The following POC1B variants were observed in gnomAD, a reference collection of about 807,000 sequenced individuals.
POC1B encodes POC1 centriolar protein homolog B.
In POC1B, 44 loss-of-function variants were observed where a neutral mutation model predicts 60.6. The ratio of observed to expected loss-of-function variants is 0.73; its 90% CI spans 0.57 to 0.93. POC1B has a LOEUF of 0.93. Among genes scored for constraint, POC1B ranks in the 40% least tolerant of loss-of-function variants. The pLI is 0.00. For missense variants in POC1B, 555 were observed against 572.3 expected (o/e 0.97, Z 0.31); for synonymous variants, 180 against 198.9 (o/e 0.90, Z 0.80).
At chr12:89,483,807 TG>T (rs774100521) in intron 4 of POC1B, among the ~76,000 whole-genome samples, 78 of 152,006 alleles carry the variant, frequency 5.1e-4, no homozygotes, top group Non-Finnish European at 9.0e-4. Context: ...CTACAAGAAA[TG>T]GTAAGTGCAG....
At chr12:89,497,972 G>C (rs1391579043) in intron 2 of POC1B, among the ~76,000 whole-genome samples, 4 of 151,962 alleles carry the variant, frequency 2.6e-5, no homozygotes, top group Non-Finnish European at 5.9e-5. Flanking sequence ...AACCATTTAG[G>C]AGTAAGTTAT....
At chr12:89,507,886 C>T (rs1869980129) in intron 2 of POC1B, among the ~76,000 whole-genome samples, 1 of 152,230 alleles carries the variant, frequency 6.6e-6, no homozygotes, top group Admixed American at 6.5e-5. Context: ...CTGTCTGGAA[C>T]ACTATTTTCT....
At chr12:89,486,206 C>A (rs1388609806) in intron 4 of POC1B, among the ~76,000 whole-genome samples, 1 of 152,104 alleles carries the variant, frequency 6.6e-6, no homozygotes, top group Admixed American at 6.5e-5. Flanking sequence ...CAGTGCCTGG[C>A]AAGAGAATAC....
chr12:89,415,650 A>T (rs1261836351), downstream of POC1B, among the ~76,000 whole-genome samples: 1 of 152,116 alleles, frequency 6.6e-6, no homozygotes, highest in Non-Finnish European at 1.5e-5. Context: ...CTCAAAAAAA[A>T]AAAAAATAAT....
rs76238808 is a variant in POC1B, at chr12:89,515,196, A to C, written c.100+9924T>G. On this transcript the variant is annotated intron_variant, in intron 2 of 11. Coordinates refer to ENST00000313546, the MANE Select transcript of POC1B (RefSeq NM_172240.3). ...CCAGCAACATGTAAGGCATTGTGGC[A>C]AAAAGGGGGAGTCCTAAGTAACAAA... 6.8e-3 allele frequency among the ~76,000 whole-genome samples: 1,030 copies of C among 152,320 alleles called. 11 individuals carry two copies. The highest frequency in any genetic ancestry group is 0.024 in the African/African-American group (993 of 41,578).
intron 4 of POC1B, among the ~76,000 whole-genome samples, chr12:89,480,669 G>T (rs1487057923): frequency 1.4e-5 from 2 of 145,350 alleles, no homozygotes; most frequent in African/African-American, 5.1e-5. Context: ...GCAAGATCTC[G>T]GCTCACTGCA....
At chr12:89,478,862 C>T (rs547860128) in intron 4 of POC1B, among the ~76,000 whole-genome samples, 2 of 152,244 alleles carry the variant, frequency 1.3e-5, no homozygotes, top group South Asian at 2.1e-4. Flanking sequence ...GCAACAGACT[C>T]GGAAAAGTTC....
chr12:89,464,749 G>A (rs1199770003), intron 9 of POC1B, among the ~76,000 whole-genome samples: 1 of 148,584 alleles, frequency 6.7e-6, no homozygotes, highest in Non-Finnish European at 1.5e-5. Context: ...GCCTTCCAAA[G>A]TGCTGGGATT....
At chr12:89,453,558 A>C (rs1304054973) in intron 10 of POC1B, among the ~76,000 whole-genome samples, 1 of 152,208 alleles carries the variant, frequency 6.6e-6, no homozygotes, top group Non-Finnish European at 1.5e-5. Flanking sequence ...AAATACACCT[A>C]GTTTCAGAAG....
intron 9 of POC1B, among the ~76,000 whole-genome samples, chr12:89,464,977 G>A (rs34192142): frequency 0.022 from 3,289 of 152,130 alleles, 48 homozygotes; most frequent in Non-Finnish European, 0.033. Context: ...TGTGTACACA[G>A]AGGCTGACTA....
chr12:89,501,067 A>T (rs1300178722), intron 2 of POC1B: 7 of 1,115,674 alleles, frequency 6.3e-6, no homozygotes, highest in Non-Finnish European at 9.5e-6. Context: ...TACTATACCA[A>T]GAAAGGCGGG....
intron 2 of POC1B, chr12:89,502,730 T>A: frequency 7.4e-7 from 1 of 1,355,726 alleles, no homozygotes; most frequent in South Asian, 1.3e-5. Flanking sequence ...GAAATTGATA[T>A]TAAGACCACA....
chr12:89,444,418 G>A (rs1313156633), intron 10 of POC1B, among the ~76,000 whole-genome samples: 1 of 152,170 alleles, frequency 6.6e-6, no homozygotes, highest in Non-Finnish European at 1.5e-5. Flanking sequence ...CGATCAAGTT[G>A]GCTTCATCCC....
intron 2 of POC1B, chr12:89,524,291 C>T (rs1204230169): frequency 1.9e-6 from 3 of 1,613,902 alleles, no homozygotes; most frequent in Non-Finnish European, 1.7e-6. Context: ...AGTTCATCCT[C>T]GTTGAGCTGG....
At chr12:89,521,964 T>C in intron 2 of POC1B, 1 of 398,976 alleles carries the variant, frequency 2.5e-6, no homozygotes, top group Non-Finnish European at 4.4e-6. Flanking sequence ...CTTTAAATGA[T>C]TAAGCATTAA....
the POC1B span, among the ~76,000 whole-genome samples, chr12:89,413,742 T>G: frequency 1.3e-5 from 2 of 152,180 alleles, no homozygotes; most frequent in Non-Finnish European, 2.9e-5. Flanking sequence ...AGTGAATTTT[T>G]TTTTACTTCC....
At chr12:89,506,448 G>A (rs1869900538) in intron 2 of POC1B, among the ~76,000 whole-genome samples, 1 of 152,174 alleles carries the variant, frequency 6.6e-6, no homozygotes, top group African/African-American at 2.4e-5. Flanking sequence ...GGATCACTGA[G>A]GAAATCAGTA....
intron 10 of POC1B, among the ~76,000 whole-genome samples, chr12:89,442,040 C>T (rs527261405): frequency 8.6e-5 from 13 of 151,760 alleles, no homozygotes; most frequent in South Asian, 2.1e-4. Context: ...TGAAATGAAG[C>T]GAGAAGTTTA....
At chr12:89,423,076 C>G (rs1199553844) in intron 11 of POC1B, among the ~76,000 whole-genome samples, 1 of 152,108 alleles carries the variant, frequency 6.6e-6, no homozygotes, top group African/African-American at 2.4e-5. Context: ...TTGATCTTAG[C>G]TCCCTGCAAC....
Sources: gnomAD v4.1 joint callset for allele counts (sites outside exome capture counted in the v4.1 genomes callset) on GRCh38, gnomAD v4.1.1 for gene constraint, MANE v1.5 for transcripts, NCBI Gene and HGNC (gene_info 2026-07-23, HGNC 2026-07-21) for gene names.